The following SEMA3C variants were observed in gnomAD, a reference collection of about 807,000 sequenced individuals.
The protein encoded by SEMA3C is semaphorin-3C.
Under a neutral mutation model 89.4 loss-of-function variants are expected in SEMA3C, and 47 were observed. That is an observed-to-expected ratio of 0.53 (90% CI 0.42 to 0.67). The LOEUF is 0.67. SEMA3C is among the 30% of genes least tolerant of loss of function. SEMA3C has a pLI of 0.00. For synonymous variants in SEMA3C, 310 were observed against 320.2 expected, an observed-to-expected ratio of 0.97 and a Z score of 0.34; for missense variants, 839 against 929.1, an observed-to-expected ratio of 0.90 and a Z score of 1.26.
rs1788543968 is a variant in SEMA3C, at chr7:80,776,121, T to C, written c.1355-10878A>G. ...TTAGAAGGAATACAACTAATTTGCA[T>C]TGTTCCCTCACATGCTGAACACCGT... On this transcript the variant is annotated intron_variant, in intron 12 of 17. Transcript: ENST00000265361. Among the ~76,000 whole-genome samples, 2 of 152,138 alleles carry C rather than the reference T, an allele frequency of 1.3e-5. 1 individual carries two copies. The highest frequency in any genetic ancestry group is 2.9e-5 in the Non-Finnish European group (2 of 68,002).
chr7:80,907,300 C>T (rs942765607), intron 2 of SEMA3C, among the ~76,000 whole-genome samples: 1 of 152,042 alleles, frequency 6.6e-6, no homozygotes, highest in African/African-American at 2.4e-5. Flanking sequence ...CCCTGCCCGA[C>T]TCCGGAAAGT....
At chr7:80,795,300 G>A (rs1192218503) in intron 11 of SEMA3C, among the ~76,000 whole-genome samples, 1 of 152,136 alleles carries the variant, frequency 6.6e-6, no homozygotes, top group African/African-American at 2.4e-5. Flanking sequence ...GAATCTTCAG[G>A]GAGGTACGCT....
At chr7:80,919,352 G>T (rs571227130), upstream of SEMA3C, 13 of 985,180 alleles carry the variant, frequency 1.3e-5, no homozygotes, top group Middle Eastern at 5.2e-4. Context: ...TTCGCAGTCC[G>T]CGGCGGAGTG....
chr7:80,919,257 G>C, upstream of SEMA3C: 1 of 984,964 alleles, frequency 1.0e-6, no homozygotes, highest in South Asian at 4.7e-5. Context: ...CGGACCGGGC[G>C]GGGCCGACCC....
intron 16 of SEMA3C, 80 bp from the exon 17 acceptor site, chr7:80,749,108 T>C (rs758164991): frequency 1.7e-5 from 23 of 1,342,448 alleles, no homozygotes; most frequent in Non-Finnish European, 2.3e-5. Flanking sequence ...AGAAATGCTA[T>C]ATACATGTTT....
intron 4 of SEMA3C, 142 bp from the exon 5 acceptor site, chr7:80,818,560 TC>T: frequency 1.2e-6 from 1 of 810,362 alleles, no homozygotes; most frequent in Non-Finnish European, 1.8e-6. Flanking sequence ...GGGCGTCCAA[TC>T]TTTTGGCTTC....
intron 8 of SEMA3C, 66 bp from the exon 9 acceptor site, chr7:80,802,845 A>G: frequency 8.5e-7 from 1 of 1,172,746 alleles, no homozygotes; most frequent in Non-Finnish European, 1.3e-6. Flanking sequence ...TAAAAATTCG[A>G]CTTGTACTCT....
chr7:80,790,048 G>A (rs1229674417), intron 11 of SEMA3C, among the ~76,000 whole-genome samples: 1 of 152,108 alleles, frequency 6.6e-6, no homozygotes, highest in African/African-American at 2.4e-5. Context: ...ACTTTGGGAG[G>A]CTGAGATGAG....
intron 2 of SEMA3C, among the ~76,000 whole-genome samples, chr7:80,863,295 G>GGAA (rs1345991291): frequency 6.7e-6 from 1 of 149,182 alleles, no homozygotes; most frequent in African/African-American, 2.5e-5. Context: ...AAACCACAAT[G>GGAA]GAATACCACC....
At chr7:80,880,664 C>T (rs1791312889) in intron 2 of SEMA3C, among the ~76,000 whole-genome samples, 1 of 152,200 alleles carries the variant, frequency 6.6e-6, no homozygotes, top group African/African-American at 2.4e-5. Flanking sequence ...GTGGCTCACG[C>T]CTGTAATCCC....
chr7:80,768,802 G>C (rs1416041946), intron 12 of SEMA3C, among the ~76,000 whole-genome samples: 1 of 152,188 alleles, frequency 6.6e-6, no homozygotes, highest in Non-Finnish European at 1.5e-5. Flanking sequence ...GTGTGTGTGT[G>C]TGTGTCAATG....
At chr7:80,881,156 GAGAA>G (rs1791328086) in intron 2 of SEMA3C, among the ~76,000 whole-genome samples, 3 of 140,766 alleles carry the variant, frequency 2.1e-5, no homozygotes, top group South Asian at 2.3e-4. Context: ...TTGTTGCCTG[GAGAA>G]AGAAACACAC....
intron 5 of SEMA3C, among the ~76,000 whole-genome samples, chr7:80,813,497 T>G (rs530639165): frequency 3.9e-5 from 6 of 152,358 alleles, no homozygotes; most frequent in Admixed American, 3.9e-4. Flanking sequence ...AGCCCTTAAA[T>G]GATATATCTT....
At position 80,760,611 on chromosome 7, in the gene SEMA3C, A is replaced by G. The variant is rs553692432; in HGVS notation, c.1485+1005T>C. Among the ~76,000 whole-genome samples, 4 of 152,346 alleles carry G rather than the reference A, an allele frequency of 2.6e-5. No individual in the cohort carries two copies. In the South Asian group the frequency reaches 8.3e-4, roughly 32 times the overall value. On this transcript the variant is annotated intron_variant, in intron 14 of 17. Transcript: ENST00000265361. The stretch of plus-strand genomic sequence containing the variant: ...ACTATAAAATACCACTTCATCTGTA[A>G]CAAACCAAATATGGTGAAGAGCTCC...
chr7:80,862,811 T>TCAACATAG (rs1163060913), intron 2 of SEMA3C, among the ~76,000 whole-genome samples: 1 of 152,136 alleles, frequency 6.6e-6, no homozygotes, highest in Non-Finnish European at 1.5e-5. Context: ...CAACTGATCT[T>TCAACATAG]CAACATAGCA....
intron 5 of SEMA3C, among the ~76,000 whole-genome samples, chr7:80,812,536 T>C (rs1789491748): frequency 6.6e-6 from 1 of 152,206 alleles, no homozygotes; most frequent in Non-Finnish European, 1.5e-5. Context: ...ACCAAATAAG[T>C]GAGAGTTCGT....
chr7:80,745,717 T>C (rs1297106809), intron 17 of SEMA3C, among the ~76,000 whole-genome samples: 9 of 152,132 alleles, frequency 5.9e-5, no homozygotes, highest in Non-Finnish European at 1.2e-4. Flanking sequence ...GTCTTTTATA[T>C]TTATAAAAAA....
At chr7:80,799,114 A>G (rs1389680800) in intron 10 of SEMA3C, among the ~76,000 whole-genome samples, 1 of 152,176 alleles carries the variant, frequency 6.6e-6, no homozygotes, top group Non-Finnish European at 1.5e-5. Flanking sequence ...TCTTTGTTCA[A>G]TTCTTTGTGA....
chr7:80,850,681 A>G (rs1039001432), intron 2 of SEMA3C, among the ~76,000 whole-genome samples: 3 of 152,200 alleles, frequency 2.0e-5, no homozygotes, highest in African/African-American at 7.2e-5. Context: ...TTAGACAAGT[A>G]TGGTATCTTT....
Sources: gnomAD v4.1 joint callset for allele counts (sites outside exome capture counted in the v4.1 genomes callset) on GRCh38, gnomAD v4.1.1 for gene constraint, MANE v1.5 for transcripts, NCBI Gene and HGNC (gene_info 2026-07-23, HGNC 2026-07-21) for gene names.